Variants in FOXJ3 observed in about 807,000 individuals in gnomAD.
FOXJ3 encodes forkhead box protein J3.
A neutral mutation model predicts 76.1 loss-of-function variants in FOXJ3; 22 were observed. The observed-to-expected ratio is 0.29, with a 90% CI of 0.21 to 0.41. FOXJ3 has a LOEUF of 0.41. Ranked by LOEUF, FOXJ3 falls within the 10% of genes least tolerant of loss-of-function variation. FOXJ3 has a pLI of 1.00. For synonymous variants in FOXJ3, 269 were observed against 261.2 expected (o/e 1.03, Z -0.29); for missense variants, 613 against 762.1 (o/e 0.80, Z 2.30).
At chr1:42,228,660 T>TAA (rs1445916926) in intron 4 of FOXJ3, among the ~76,000 whole-genome samples, 2 of 148,854 alleles carry the variant, frequency 1.3e-5, no homozygotes, top group African/African-American at 2.5e-5. Flanking sequence ...CACAGAAAGA[T>TAA]AAAGTGGCTT....
At chr1:42,314,220 T>C (rs148014518) in intron 1 of FOXJ3, among the ~76,000 whole-genome samples, 1 of 152,274 alleles carries the variant, frequency 6.6e-6, no homozygotes, top group African/African-American at 2.4e-5. Flanking sequence ...AGAGCTAACT[T>C]AACAAAAGAA....
intron 9 of FOXJ3, among the ~76,000 whole-genome samples, chr1:42,190,352 T>C (rs1646517162): frequency 6.6e-6 from 1 of 152,226 alleles, no homozygotes. Context: ...TACTGGCTAC[T>C]TGATTACAAA....
Position 42,311,102 on chromosome 1 carries a change from A to G in FOXJ3, c.-9T>C. ...TGTCCATACAAACCCATCTGGCCAC[A>G]AAGAGAATCTGAAAAGCAAAGAAGA... On this transcript the variant is annotated 5_prime_UTR_variant, in exon 2 of 13. Transcript: ENST00000361346. 1 of 1,595,730 alleles carries G rather than the reference A, an allele frequency of 6.3e-7. No homozygotes were observed. The highest frequency in any genetic ancestry group is 2.2e-5 in the East Asian group (1 of 44,586).
rs1475470008 is a variant in FOXJ3 at position 42,324,207 on chromosome 1, T to C, written c.-18+10852A>G. 2.3e-3 allele frequency among the ~76,000 whole-genome samples: 255 copies of C among 109,832 alleles called. 1 individual carries two copies. Among genetic ancestry groups the C allele is most frequent in the African/African-American group, 8.0e-3 (236 of 29,644 alleles). The allele number at this position is 109,832 out of a possible 152,430, so 72.1% of individuals were successfully genotyped here. On this transcript the variant is annotated intron_variant, in intron 1 of 12. Coordinates refer to ENST00000361346, the MANE Select transcript of FOXJ3 (RefSeq NM_014947.5). Reference sequence around the variant, plus strand: ...TCTAGGAATATATATACTATATATATACTATATATATAAATTCTAGGAATA... The same window carrying C: ...TCTAGGAATATATATACTATATATACACTATATATATAAATTCTAGGAATA...
At chr1:42,324,555 G>A (rs192159908) in intron 1 of FOXJ3, among the ~76,000 whole-genome samples, 15 of 151,962 alleles carry the variant, frequency 9.9e-5, no homozygotes, top group Middle Eastern at 3.4e-3. Context: ...GTCGTTAGGC[G>A]ATTTCATCAC....
At chr1:42,283,512 G>A (rs746656244) in intron 2 of FOXJ3, among the ~76,000 whole-genome samples, 12 of 151,990 alleles carry the variant, frequency 7.9e-5, no homozygotes, top group South Asian at 2.1e-4. Flanking sequence ...AGTTTCAACC[G>A]TATCAAAAAG....
At chr1:42,326,757 C>A (rs1655858750) in intron 1 of FOXJ3, among the ~76,000 whole-genome samples, 1 of 152,168 alleles carries the variant, frequency 6.6e-6, no homozygotes, top group Admixed American at 6.5e-5. Context: ...GTTTTATGTA[C>A]TCTAAGTCTG....
At chr1:42,226,666 C>CT (rs1341265882) in intron 5 of FOXJ3, among the ~76,000 whole-genome samples, 2 of 152,176 alleles carry the variant, frequency 1.3e-5, no homozygotes, top group Admixed American at 1.3e-4. Flanking sequence ...CAATACTAAA[C>CT]TTTAACTTCT....
At position 42,311,650 on chromosome 1, in the gene FOXJ3, A is replaced by AAGTAGTAGT. The variant is rs142219815; in HGVS notation, c.-17-549_-17-541dup. Among the ~76,000 whole-genome samples the AAGTAGTAGT allele has an allele frequency of 7.2e-3, 1,076 of 149,464 alleles. 4 individuals are homozygous for AAGTAGTAGT. The highest frequency in any genetic ancestry group is 0.014 in the Middle Eastern group (4 of 290). On this transcript the variant is annotated intron_variant, in intron 1 of 12. Transcript: ENST00000361346. ...AAACAGTTCCATTGCTTTAAAAAAA[A>AAGTAGTAGT]AGTAGTAGTAGTAGTAGTAGTAGTA...
At chr1:42,297,123 T>G (rs963580899) in intron 2 of FOXJ3, among the ~76,000 whole-genome samples, 2 of 152,142 alleles carry the variant, frequency 1.3e-5, no homozygotes, top group Non-Finnish European at 2.9e-5. Flanking sequence ...TCAAAGTTAT[T>G]TATAGAAATG....
intron 4 of FOXJ3, among the ~76,000 whole-genome samples, chr1:42,244,537 A>G (rs139985035): frequency 1.3e-5 from 2 of 152,234 alleles, no homozygotes; most frequent in African/African-American, 4.8e-5. Context: ...AAGAAAACAG[A>G]ATAAAGGTCA....
At chr1:42,319,948 G>A (rs562586335) in intron 1 of FOXJ3, among the ~76,000 whole-genome samples, 6 of 152,094 alleles carry the variant, frequency 3.9e-5, no homozygotes, top group Admixed American at 6.5e-5. Context: ...CACTAAACAC[G>A]TTTAATGAAG....
intron 3 of FOXJ3, among the ~76,000 whole-genome samples, chr1:42,266,143 T>A (rs1651450105): frequency 6.6e-6 from 1 of 152,134 alleles, no homozygotes; most frequent in Admixed American, 6.5e-5. Flanking sequence ...TGCTTTATTG[T>A]TTAATATAAA....
intron 6 of FOXJ3, among the ~76,000 whole-genome samples, chr1:42,200,486 T>C (rs992242074): frequency 3.3e-5 from 5 of 152,240 alleles, no homozygotes; most frequent in Admixed American, 2.6e-4. Flanking sequence ...TTTCTCTTTT[T>C]TTCTCTTTTT....
chr1:42,222,279 C>T (rs892315138), intron 5 of FOXJ3, among the ~76,000 whole-genome samples: 1 of 151,802 alleles, frequency 6.6e-6, no homozygotes, highest in East Asian at 2.0e-4. Context: ...CTCCAATTAA[C>T]GTCACTTCTT....
chr1:42,195,626 G>A (rs1054051556), intron 7 of FOXJ3, among the ~76,000 whole-genome samples: 2 of 152,144 alleles, frequency 1.3e-5, no homozygotes, highest in Non-Finnish European at 2.9e-5. Flanking sequence ...ATCAATAAAA[G>A]ATAATCATCT....
chr1:42,179,548 T>TACGTTA lies in FOXJ3; in HGVS notation c.*161_*162insTAACGT. ...ACTTGCTTGGGTCAGATAAAAGCAG[T>TACGTTA]AAGTTATCCAGCTAAAATCCTTCTG... On this transcript the variant is annotated 3_prime_UTR_variant, in exon 13 of 13. Transcript: ENST00000361346. 1 of 514,556 alleles carries TACGTTA rather than the reference T, an allele frequency of 1.9e-6. No individual in the cohort carries two copies. Among genetic ancestry groups the TACGTTA allele is most frequent in the Non-Finnish European group, 3.5e-6 (1 of 284,330 alleles). 31.9% of individuals were successfully genotyped at this position (514,556 alleles called of 1,614,324 possible).
chr1:42,335,798 G>GT (rs1491528465), upstream of FOXJ3: 2 of 92,082 alleles, frequency 2.2e-5, no homozygotes, highest in Non-Finnish European at 5.1e-5. Flanking sequence ...GGCCTTTCCC[G>GT]TGCCTGGTCT....
At chr1:42,264,551 T>C (rs569112835) in intron 4 of FOXJ3, among the ~76,000 whole-genome samples, 4 of 152,208 alleles carry the variant, frequency 2.6e-5, no homozygotes, top group South Asian at 2.1e-4. Context: ...CAAGTACTCT[T>C]AAGTTTCAGA....
Sources: gnomAD v4.1 joint callset for allele counts (sites outside exome capture counted in the v4.1 genomes callset) on GRCh38, gnomAD v4.1.1 for gene constraint, MANE v1.5 for transcripts, NCBI Gene and HGNC (gene_info 2026-07-23, HGNC 2026-07-21) for gene names.